Variants in PLEKHM3 observed in about 807,000 individuals in gnomAD.
PLEKHM3 encodes the protein pleckstrin homology domain containing M3, also known as pleckstrin homology domain-containing family M member 3.
Under a neutral mutation model 81.8 loss-of-function variants are expected in PLEKHM3, and 45 were observed. That is an observed-to-expected ratio of 0.55 (90% confidence interval 0.43 to 0.71). The LOEUF (loss-of-function observed/expected upper bound fraction) is 0.71, where lower values mean the gene tolerates loss of function less well. PLEKHM3 is among the 30% of genes least tolerant of loss of function. PLEKHM3 has a pLI of 0.00. For synonymous variants in PLEKHM3, 352 were observed against 356.4 expected, an observed-to-expected ratio of 0.99 and a Z score of 0.14; for missense variants, 788 against 924.3, an observed-to-expected ratio of 0.85 and a Z score of 1.91.
intron 6 of PLEKHM3, among the ~76,000 whole-genome samples, chr2:207,893,365 C>A (rs1688123899): frequency 6.6e-6 from 1 of 152,164 alleles, no homozygotes; most frequent in Non-Finnish European, 1.5e-5. Context: ...CTTTTGTGAC[C>A]ACTGACTAAA....
At chr2:207,926,119 C>G (rs1689384710) in intron 5 of PLEKHM3, among the ~76,000 whole-genome samples, 1 of 152,120 alleles carries the variant, frequency 6.6e-6, no homozygotes, top group African/African-American at 2.4e-5. Flanking sequence ...CCAAGTGGCA[C>G]TGGGTTTGGG....
intron 3 of PLEKHM3, among the ~76,000 whole-genome samples, chr2:207,968,523 C>T (rs954546457): frequency 6.6e-6 from 1 of 152,178 alleles, no homozygotes; most frequent in Non-Finnish European, 1.5e-5. Context: ...CCATCCCATT[C>T]TTCAGCTCAT....
intron 6 of PLEKHM3, among the ~76,000 whole-genome samples, chr2:207,882,251 T>G (rs1262584927): frequency 3.3e-5 from 5 of 152,192 alleles, no homozygotes; most frequent in Non-Finnish European, 7.3e-5. Context: ...GAAACCTGGC[T>G]CTTAGACCAT....
chr2:208,003,194 T>C (rs1692372126), intron 1 of PLEKHM3, among the ~76,000 whole-genome samples: 1 of 152,204 alleles, frequency 6.6e-6, no homozygotes, highest in Non-Finnish European at 1.5e-5. Context: ...AGTTCTTCTC[T>C]TGTCTGCTGC....
intron 6 of PLEKHM3, chr2:207,900,449 G>C (rs529135371): frequency 2.1e-4 from 32 of 152,354 alleles, no homozygotes; most frequent in African/African-American, 6.7e-4. Context: ...CAAATTCGGG[G>C]AGAAGGAACA....
At chr2:207,859,149 T>G (rs970774032) in intron 7 of PLEKHM3, among the ~76,000 whole-genome samples, 4 of 148,556 alleles carry the variant, frequency 2.7e-5, no homozygotes, top group African/African-American at 1.0e-4. Context: ...TTTTTTTTTT[T>G]TTTTTGAGAT....
At chr2:208,010,802 C>T (rs916247899) in intron 1 of PLEKHM3, among the ~76,000 whole-genome samples, 3 of 152,110 alleles carry the variant, frequency 2.0e-5, no homozygotes, top group African/African-American at 7.2e-5. Context: ...GTAATAGAGG[C>T]TGTGTTTCTA....
At position 207,932,914 on chromosome 2, in the gene PLEKHM3, G is replaced by A. The variant is rs370511152; in HGVS notation, c.1693-1795C>T. Among the ~76,000 whole-genome samples, 11 of 152,106 alleles carry A rather than the reference G, an allele frequency of 7.2e-5. 1 individual carries two copies. Among genetic ancestry groups the A allele is most frequent in the East Asian group, 3.9e-4 (2 of 5,190 alleles). ...ATTATATGTTGATTATAAATTTCTC[G>A]TACATAAACATAAAATTCAATATGA... On this transcript the variant is annotated intron_variant, in intron 4 of 7. Coordinates refer to ENST00000427836, the MANE Select transcript of PLEKHM3 (RefSeq NM_001080475.3).
intron 7 of PLEKHM3, among the ~76,000 whole-genome samples, chr2:207,846,576 A>T (rs1223556505): frequency 6.6e-6 from 1 of 152,024 alleles, no homozygotes; most frequent in Non-Finnish European, 1.5e-5. Context: ...TACAAAAATT[A>T]TCTGGGCGTG....
rs2092252160 is a variant in PLEKHM3 at position 207,826,500 on chromosome 2, T to C, written c.*1819A>G. On this transcript the variant is annotated 3_prime_UTR_variant, in exon 8 of 8. Transcript: ENST00000427836. The stretch of plus-strand genomic sequence containing the variant: ...CTTTTAACAAGTTTTCAAGCCTTGG[T>C]TGCGGCTACTGTATAGTCAGAAAAT... The C allele has an allele frequency of 6.6e-6, 1 of 152,208 alleles. No homozygotes were observed. Among genetic ancestry groups the C allele is most frequent in the South Asian group, 2.1e-4 (1 of 4,832 alleles). 9.4% of individuals were successfully genotyped at this position (152,208 alleles called of 1,614,324 possible).
intron 3 of PLEKHM3, among the ~76,000 whole-genome samples, chr2:207,965,673 C>T (rs547697568): frequency 2.6e-4 from 39 of 152,276 alleles, no homozygotes; most frequent in South Asian, 4.1e-4. Context: ...TCCATAGACT[C>T]GCATTACTGC....
chr2:207,887,280 C>G (rs1161895882), intron 6 of PLEKHM3, among the ~76,000 whole-genome samples: 1 of 152,162 alleles, frequency 6.6e-6, no homozygotes, highest in Non-Finnish European at 1.5e-5. Flanking sequence ...GCATCTAAGG[C>G]AATTTACTGT....
chr2:207,860,864 CAG>C (rs1416264578), intron 7 of PLEKHM3, among the ~76,000 whole-genome samples: 2 of 152,130 alleles, frequency 1.3e-5, no homozygotes, highest in African/African-American at 4.8e-5. Flanking sequence ...CCTAATAAGG[CAG>C]AGTTAGGCAA....
chr2:207,873,657 G>T (rs533898677), intron 6 of PLEKHM3, among the ~76,000 whole-genome samples: 1 of 152,236 alleles, frequency 6.6e-6, no homozygotes, highest in African/African-American at 2.4e-5. Context: ...AAAGAGGGAA[G>T]TAAGGCCTTT....
intron 4 of PLEKHM3, among the ~76,000 whole-genome samples, chr2:207,937,774 T>C (rs1689803763): frequency 6.6e-6 from 1 of 152,184 alleles, no homozygotes; most frequent in Non-Finnish European, 1.5e-5. Context: ...TGGTAAAACA[T>C]TTCCTTCCTG....
At chr2:208,022,211 A>T (rs997850737) in intron 1 of PLEKHM3, among the ~76,000 whole-genome samples, 1 of 152,200 alleles carries the variant, frequency 6.6e-6, no homozygotes, top group Non-Finnish European at 1.5e-5. Flanking sequence ...ATTTTTGAAA[A>T]TTTATGTTAA....
intron 6 of PLEKHM3, among the ~76,000 whole-genome samples, chr2:207,864,781 T>C (rs1013852125): frequency 6.6e-6 from 1 of 152,228 alleles, no homozygotes; most frequent in Non-Finnish European, 1.5e-5. Context: ...CTTAATAAGC[T>C]CTGGGGATTG....
chr2:207,985,188 G>A (rs1366279904), intron 2 of PLEKHM3, among the ~76,000 whole-genome samples: 1 of 151,050 alleles, frequency 6.6e-6, no homozygotes, highest in Admixed American at 6.6e-5. Context: ...ACCCACTCCT[G>A]ACCTTCATGC....
chr2:207,932,503 T>C (rs1689628004), intron 4 of PLEKHM3, among the ~76,000 whole-genome samples: 1 of 151,228 alleles, frequency 6.6e-6, no homozygotes, highest in Non-Finnish European at 1.5e-5. Context: ...AAACTTTGCT[T>C]ATTAAAAAGA....
Sources: allele counts gnomAD v4.1 joint callset (sites outside exome capture counted in the v4.1 genomes callset), GRCh38; gene constraint gnomAD v4.1.1; transcripts MANE v1.5; gene names NCBI Gene and HGNC (gene_info 2026-07-23, HGNC 2026-07-21).